The following NTM variants were observed in gnomAD, a reference collection of about 807,000 sequenced individuals.
The protein encoded by NTM is neurotrimin.
Under a neutral mutation model 42.1 loss-of-function variants are expected in NTM, and 13 were observed. The ratio of observed to expected loss-of-function variants is 0.31; its 90% confidence interval spans 0.20 to 0.49. NTM has a LOEUF of 0.49. Ranked by LOEUF, NTM falls within the 20% of genes least tolerant of loss-of-function variation. The probability of loss-of-function intolerance (pLI) is 0.99; values close to 1 mark genes in which losing one functional copy is unlikely to be tolerated. For synonymous variants in NTM, 187 were observed against 179.2 expected, an observed-to-expected ratio of 1.04 and a Z score of -0.35; for missense variants, 373 against 452.8, an observed-to-expected ratio of 0.82 and a Z score of 1.60.
chr11:132,004,774 G>A lies in NTM; in HGVS notation c.167+93126G>A, dbSNP rs552885328. Among the ~76,000 whole-genome samples the A allele has an allele frequency of 1.5e-3, 231 of 152,170 alleles. 2 individuals are homozygous for A. The highest frequency in any genetic ancestry group is 6.8e-3 in the Middle Eastern group (2 of 294). On this transcript the variant is annotated intron_variant, in intron 2 of 8. Coordinates refer to ENST00000683400, the MANE Select transcript of NTM (RefSeq NM_001352005.2). ...TGATGTTCATGGTACCTAGGGGATT[G>A]ATTCAGCTTTCAAGGAGCTGTGGAC...
chr11:132,326,800 G>A (rs1401726930), intron 7 of NTM, among the ~76,000 whole-genome samples: 20 of 152,062 alleles, frequency 1.3e-4, no homozygotes, highest in African/African-American at 3.1e-4. Flanking sequence ...TCATTCCCCC[G>A]CCTCCTTTGC....
At chr11:132,026,026 A>T (rs960821855) in intron 2 of NTM, among the ~76,000 whole-genome samples, 1 of 152,168 alleles carries the variant, frequency 6.6e-6, no homozygotes, top group African/African-American at 2.4e-5. Context: ...GTGTGTCTGT[A>T]AAACGGGAGT....
chr11:132,112,740 C>CACAA (rs1282044759), intron 2 of NTM, among the ~76,000 whole-genome samples: 1 of 151,824 alleles, frequency 6.6e-6, no homozygotes, highest in Admixed American at 6.6e-5. Flanking sequence ...CACACACACA[C>CACAA]ACACACACAC....
intron 1 of NTM, among the ~76,000 whole-genome samples, chr11:131,855,256 C>T (rs972340220): frequency 1.3e-5 from 2 of 152,174 alleles, no homozygotes; most frequent in African/African-American, 4.8e-5. Flanking sequence ...CACAATCTAT[C>T]AAGGTTAAAA....
chr11:131,937,329 C>G (rs547263081), intron 2 of NTM, among the ~76,000 whole-genome samples: 43 of 152,136 alleles, frequency 2.8e-4, no homozygotes, highest in Non-Finnish European at 5.4e-4. Flanking sequence ...TGTTAATATT[C>G]TGTGTATTGC....
intron 2 of NTM, among the ~76,000 whole-genome samples, chr11:131,940,041 G>T (rs1047892772): frequency 7.2e-5 from 11 of 152,216 alleles, no homozygotes; most frequent in Non-Finnish European, 1.3e-4. Context: ...GAACCCAGAA[G>T]GAAAAGAAAC....
chr11:131,982,306 T>G (rs1347224448), intron 2 of NTM, among the ~76,000 whole-genome samples: 1 of 152,062 alleles, frequency 6.6e-6, no homozygotes, highest in Non-Finnish European at 1.5e-5. Context: ...AGTGTGGGGT[T>G]TCTTTGTTAC....
At chr11:132,270,892 T>C (rs2093445254) in intron 4 of NTM, among the ~76,000 whole-genome samples, 1 of 152,208 alleles carries the variant, frequency 6.6e-6, no homozygotes, top group South Asian at 2.1e-4. Flanking sequence ...GTTGTTAGCA[T>C]TGTTGAGATA....
At chr11:131,721,671 G>C (rs1301136568) in intron 1 of NTM, among the ~76,000 whole-genome samples, 1 of 151,958 alleles carries the variant, frequency 6.6e-6, no homozygotes, top group Non-Finnish European at 1.5e-5. Context: ...GGATTGTATT[G>C]CCAATATCTT....
intron 7 of NTM, among the ~76,000 whole-genome samples, chr11:132,323,168 A>G (rs1190765388): frequency 6.9e-6 from 1 of 144,634 alleles, no homozygotes; most frequent in Non-Finnish European, 1.5e-5. Flanking sequence ...AAGGCAAGAA[A>G]TAACTAAAAT....
At chr11:132,278,624 G>A (rs1043857082) in intron 4 of NTM, among the ~76,000 whole-genome samples, 1 of 152,166 alleles carries the variant, frequency 6.6e-6, no homozygotes, top group African/African-American at 2.4e-5. Flanking sequence ...GACTGTCAAA[G>A]TCAGTGTGGT....
chr11:132,173,414 G>A (rs532483373), intron 3 of NTM, among the ~76,000 whole-genome samples: 4 of 152,140 alleles, frequency 2.6e-5, no homozygotes, highest in Non-Finnish European at 4.4e-5. Flanking sequence ...GCTTTTAACC[G>A]TCTCTATTTA....
At chr11:131,551,824 A>T (rs1207113516) in intron 1 of NTM, among the ~76,000 whole-genome samples, 1 of 152,190 alleles carries the variant, frequency 6.6e-6, no homozygotes, top group African/African-American at 2.4e-5. Flanking sequence ...GAAGGCAGCC[A>T]CATGATGAAC....
intron 1 of NTM, among the ~76,000 whole-genome samples, chr11:131,567,498 C>A (rs574954855): frequency 6.6e-6 from 1 of 152,110 alleles, no homozygotes; most frequent in Non-Finnish European, 1.5e-5. Flanking sequence ...AAAAAAAAGA[C>A]CCAAAAATCT....
At chr11:132,078,961 G>A (rs942667593) in intron 2 of NTM, among the ~76,000 whole-genome samples, 1 of 152,136 alleles carries the variant, frequency 6.6e-6, no homozygotes, top group African/African-American at 2.4e-5. Flanking sequence ...AAGAGCATCC[G>A]ACCTGATTTT....
chr11:132,106,451 T>C (rs1037537611), intron 2 of NTM, among the ~76,000 whole-genome samples: 1 of 152,190 alleles, frequency 6.6e-6, no homozygotes, highest in Non-Finnish European at 1.5e-5. Flanking sequence ...TGGATTAAAA[T>C]GGTCAAACTC....
chr11:131,424,343 G>T lies in NTM; in HGVS notation c.82+53455G>T, dbSNP rs79618720. On this transcript the variant is annotated intron_variant, in intron 1 of 8. Transcript: ENST00000683400. ...CCACTCACACTGCACTGGAGACAGG[G>T]TCTGTGTCTCTTCCTTGCCTCTTCT... Among the ~76,000 whole-genome samples the T allele has an allele frequency of 1.3e-3, 204 of 152,210 alleles. 1 individual carries two copies. Among genetic ancestry groups the T allele is most frequent in the African/African-American group, 4.4e-3 (181 of 41,554 alleles).
chr11:131,638,174 A>T (rs1430987197), intron 1 of NTM, among the ~76,000 whole-genome samples: 2 of 152,194 alleles, frequency 1.3e-5, no homozygotes, highest in African/African-American at 4.8e-5. Flanking sequence ...TACCTTATTG[A>T]TAAGGTTAGG....
At chr11:132,322,208 G>A (rs566016392) in intron 7 of NTM, among the ~76,000 whole-genome samples, 8 of 152,206 alleles carry the variant, frequency 5.3e-5, no homozygotes, top group Middle Eastern at 3.4e-3. Flanking sequence ...TGGACTAAAT[G>A]CTACAATTAA....
Sources: allele counts gnomAD v4.1 joint callset (sites outside exome capture counted in the v4.1 genomes callset), GRCh38; gene constraint gnomAD v4.1.1; transcripts MANE v1.5; gene names NCBI Gene and HGNC (gene_info 2026-07-23, HGNC 2026-07-21).